ADAMTSL1: variants seen among roughly 807,000 people sequenced by gnomAD.
The protein encoded by ADAMTSL1 is ADAMTS like 1.
A neutral mutation model predicts 201.8 loss-of-function variants in ADAMTSL1; 126 were observed. The observed-to-expected ratio is 0.62, with a 90% confidence interval of 0.54 to 0.72. ADAMTSL1 has a LOEUF of 0.72. Among genes scored for constraint, ADAMTSL1 ranks in the 30% least tolerant of loss-of-function variants. The probability of loss-of-function intolerance (pLI) is 0.00; values close to 1 mark genes in which losing one functional copy is unlikely to be tolerated. For synonymous variants in ADAMTSL1, 1,121 were observed against 903.4 expected, an observed-to-expected ratio of 1.24 and a Z score of -4.32; for missense variants, 2,679 against 2,277.8, an observed-to-expected ratio of 1.18 and a Z score of -3.59.
At chr9:18,794,707 C>T (rs1450689146) in intron 19 of ADAMTSL1, among the ~76,000 whole-genome samples, 1 of 152,014 alleles carries the variant, frequency 6.6e-6, no homozygotes, top group Non-Finnish European at 1.5e-5. Flanking sequence ...AATCTCAGCC[C>T]ACTACAACCT....
At chr9:18,260,734 G>A (rs1029837424) in intron 2 of ADAMTSL1, among the ~76,000 whole-genome samples, 2 of 152,114 alleles carry the variant, frequency 1.3e-5, no homozygotes, top group Middle Eastern at 3.2e-3. Context: ...GTCCCTCTCC[G>A]AGGCACTAGT....
chr9:18,732,898 C>T (rs528736665), intron 15 of ADAMTSL1, among the ~76,000 whole-genome samples: 58 of 152,292 alleles, frequency 3.8e-4, no homozygotes, highest in Admixed American at 1.4e-3. Flanking sequence ...GTGCCCATCA[C>T]TTTATATACA....
At chr9:18,822,194 A>G (rs188412790) in intron 21 of ADAMTSL1, among the ~76,000 whole-genome samples, 4 of 152,300 alleles carry the variant, frequency 2.6e-5, no homozygotes, top group Non-Finnish European at 4.4e-5. Flanking sequence ...GTGGTAGAGC[A>G]TATTTTCTGT....
chr9:18,192,854 A>ATGC (rs1255048861), intron 2 of ADAMTSL1, among the ~76,000 whole-genome samples: 2 of 152,180 alleles, frequency 1.3e-5, no homozygotes, highest in Non-Finnish European at 2.9e-5. Flanking sequence ...TTTATGCAAT[A>ATGC]TGCATTTATT....
intron 13 of ADAMTSL1, 58 bp from the exon 14 acceptor site, chr9:18,706,689 C>A: frequency 6.7e-7 from 1 of 1,500,320 alleles, no homozygotes; most frequent in Non-Finnish European, 8.9e-7. Flanking sequence ...CTCACAGCCC[C>A]CATGGCTTCC....
intron 2 of ADAMTSL1, among the ~76,000 whole-genome samples, chr9:18,276,499 A>C (rs776369612): frequency 4.6e-5 from 7 of 152,194 alleles, no homozygotes; most frequent in African/African-American, 1.7e-4. Context: ...ATATATTTCA[A>C]ATTAACATGT....
chr9:17,994,813 T>G (rs1819306031), intron 1 of ADAMTSL1, among the ~76,000 whole-genome samples: 1 of 152,170 alleles, frequency 6.6e-6, no homozygotes, highest in Admixed American at 6.6e-5. Flanking sequence ...TTAAACATTT[T>G]GAAGTGATTT....
At chr9:18,833,689 T>G (rs1825140413) in intron 23 of ADAMTSL1, among the ~76,000 whole-genome samples, 1 of 152,208 alleles carries the variant, frequency 6.6e-6, no homozygotes, top group Non-Finnish European at 1.5e-5. Context: ...CAGACGCTCT[T>G]TAATTAGATC....
chr9:18,343,370 A>G (rs771272167), intron 2 of ADAMTSL1, among the ~76,000 whole-genome samples: 15 of 151,970 alleles, frequency 9.9e-5, no homozygotes, highest in African/African-American at 7.3e-5. Flanking sequence ...TTGCATACTA[A>G]TATCTAAAAA....
chr9:18,705,862 A>G (rs977841607), intron 13 of ADAMTSL1, among the ~76,000 whole-genome samples: 1 of 152,244 alleles, frequency 6.6e-6, no homozygotes, highest in Admixed American at 6.5e-5. Flanking sequence ...TCAGTCTGCT[A>G]TAAGAATAGC....
chr9:18,271,807 T>A (rs1832379332), intron 2 of ADAMTSL1, among the ~76,000 whole-genome samples: 1 of 152,168 alleles, frequency 6.6e-6, no homozygotes, highest in Non-Finnish European at 1.5e-5. Flanking sequence ...GTAAAAGTGT[T>A]CCTATTTCTC....
intron 7 of ADAMTSL1, among the ~76,000 whole-genome samples, chr9:18,641,191 C>T (rs1338600366): frequency 6.6e-6 from 1 of 151,986 alleles, no homozygotes; most frequent in African/African-American, 2.4e-5. Context: ...TCTTCACTAC[C>T]TCTTATTTCT....
At chr9:18,335,545 G>C (rs998061160) in intron 2 of ADAMTSL1, among the ~76,000 whole-genome samples, 3 of 152,096 alleles carry the variant, frequency 2.0e-5, no homozygotes, top group Non-Finnish European at 4.4e-5. Flanking sequence ...TCTGAGGACA[G>C]ATGACTCCAT....
intron 9 of ADAMTSL1, among the ~76,000 whole-genome samples, chr9:18,665,908 A>T (rs901818704): frequency 2.6e-5 from 4 of 152,206 alleles, no homozygotes; most frequent in Non-Finnish European, 5.9e-5. Context: ...CAATGAACTC[A>T]CTAATAATCC....
chr9:18,143,282 TCTC>T (rs1403194046), intron 1 of ADAMTSL1, among the ~76,000 whole-genome samples: 2 of 152,314 alleles, frequency 1.3e-5, no homozygotes, highest in East Asian at 3.9e-4. Context: ...CAAGTTCCCT[TCTC>T]CTTCATTTAG....
chr9:18,229,726 A>C (rs2132400964), intron 2 of ADAMTSL1, among the ~76,000 whole-genome samples: 1 of 149,796 alleles, frequency 6.7e-6, no homozygotes. Context: ...ATGGAATTTC[A>C]CTCTTGTTGC....
intron 1 of ADAMTSL1, among the ~76,000 whole-genome samples, chr9:18,146,516 C>G (rs1046451464): frequency 1.3e-5 from 2 of 152,026 alleles, no homozygotes; most frequent in Admixed American, 1.3e-4. Flanking sequence ...TTGGGAAAGG[C>G]AAAACTGGAT....
At chr9:18,238,860 C>T (rs1039111953) in intron 2 of ADAMTSL1, among the ~76,000 whole-genome samples, 6 of 152,178 alleles carry the variant, frequency 3.9e-5, no homozygotes, top group African/African-American at 1.2e-4. Flanking sequence ...ACTCTCCTAG[C>T]ACTTTTGAAA....
At chr9:18,406,368 G>A (rs956504566) in intron 2 of ADAMTSL1, among the ~76,000 whole-genome samples, 8 of 103,012 alleles carry the variant, frequency 7.8e-5, no homozygotes, top group Non-Finnish European at 1.3e-4. Context: ...TCACTCTGTC[G>A]CCCAGGCTGG....
Sources: allele counts gnomAD v4.1 joint callset (sites outside exome capture counted in the v4.1 genomes callset), GRCh38; gene constraint gnomAD v4.1.1; transcripts MANE v1.5; gene names NCBI Gene and HGNC (gene_info 2026-07-23, HGNC 2026-07-21).